COL24A1: variants seen among roughly 807,000 people sequenced by gnomAD.
The protein encoded by COL24A1 is collagen type XXIV alpha 1 chain.
In COL24A1, 224 loss-of-function variants were observed where a neutral mutation model predicts 253.9. That is an observed-to-expected ratio of 0.88 (90% CI 0.79 to 0.99). The LOEUF (loss-of-function observed/expected upper bound fraction) is 0.99, where lower values mean the gene tolerates loss of function less well. COL24A1 is among the 50% of genes least tolerant of loss of function. The probability of loss-of-function intolerance (pLI) is 0.00; values close to 1 mark genes in which losing one functional copy is unlikely to be tolerated. For synonymous variants in COL24A1, 685 were observed against 673.7 expected (o/e 1.02, Z -0.26); for missense variants, 2,131 against 2,068.5 (o/e 1.03, Z -0.59).
intron 45 of COL24A1, among the ~76,000 whole-genome samples, chr1:85,821,945 T>C (rs1673662640): frequency 6.6e-6 from 1 of 152,224 alleles, no homozygotes; most frequent in African/African-American, 2.4e-5. Context: ...TCGGATCAAA[T>C]GTTGGACAGA....
chr1:85,841,994 C>A, intron 41 of COL24A1, 74 bp downstream of exon 41: 7 of 1,289,014 alleles, frequency 5.4e-6, no homozygotes, highest in South Asian at 4.2e-5. Context: ...AAAATTTTTC[C>A]ATGCAGTCTT....
At chr1:85,748,127 G>C (rs901153533) in intron 55 of COL24A1, among the ~76,000 whole-genome samples, 14 of 152,240 alleles carry the variant, frequency 9.2e-5, no homozygotes, top group East Asian at 5.8e-4. Flanking sequence ...ATTTTTGCTT[G>C]AGAGCTTGAA....
chr1:85,997,415 T>C (rs952932120), intron 19 of COL24A1, among the ~76,000 whole-genome samples: 9 of 152,038 alleles, frequency 5.9e-5, no homozygotes, highest in African/African-American at 2.2e-4. Flanking sequence ...CCATCCCAGT[T>C]TCCAGGGGTG....
chr1:85,870,161 C>T (rs368196278), intron 35 of COL24A1, among the ~76,000 whole-genome samples: 47 of 152,234 alleles, frequency 3.1e-4, no homozygotes, highest in African/African-American at 8.9e-4. Context: ...CCTAAATATA[C>T]ATGCACCCAA....
chr1:86,093,576 A>ACAGG (rs1454684928), intron 5 of COL24A1, among the ~76,000 whole-genome samples: 1 of 152,086 alleles, frequency 6.6e-6, no homozygotes, highest in Non-Finnish European at 1.5e-5. Flanking sequence ...GTACATAGGC[A>ACAGG]CAGGCAAAGA....
chr1:85,808,969 T>C (rs953593724), intron 47 of COL24A1, among the ~76,000 whole-genome samples: 3 of 152,226 alleles, frequency 2.0e-5, no homozygotes, highest in Non-Finnish European at 4.4e-5. Context: ...TGTGGAAAAC[T>C]GTCCTTGTGT....
chr1:85,747,632 T>C (rs555458674), intron 55 of COL24A1, among the ~76,000 whole-genome samples: 1 of 152,276 alleles, frequency 6.6e-6, no homozygotes, highest in South Asian at 2.1e-4. Flanking sequence ...ACAGCTAAAT[T>C]CTCATATTTG....
chr1:86,064,389 T>C (rs1701327567), intron 7 of COL24A1, among the ~76,000 whole-genome samples: 1 of 152,030 alleles, frequency 6.6e-6, no homozygotes, highest in Non-Finnish European at 1.5e-5. Flanking sequence ...CCCAAAGCTA[T>C]AAAACAGACA....
chr1:85,999,577 C>T (rs773359089), intron 19 of COL24A1, among the ~76,000 whole-genome samples: 9 of 151,884 alleles, frequency 5.9e-5, no homozygotes, highest in African/African-American at 1.9e-4. Flanking sequence ...GCCGTGATCA[C>T]GCCACTCTAG....
At chr1:85,733,277 A>G (rs925365451) in intron 59 of COL24A1, among the ~76,000 whole-genome samples, 1 of 152,198 alleles carries the variant, frequency 6.6e-6, no homozygotes, top group Non-Finnish European at 1.5e-5. Flanking sequence ...TGATACATAT[A>G]TAAAGTGTAC....
chr1:86,044,896 A>C lies in COL24A1; in HGVS notation c.1950+1929T>G, dbSNP rs1308746926. 2.6e-5 allele frequency among the ~76,000 whole-genome samples: 4 copies of C among 152,356 alleles called. No homozygotes were observed. The East Asian group carries it at 7.7e-4, about 29-fold the overall frequency. ...TAAGTGATATATAACAAGGGTTTTG[A>C]GAAAATACTCAATTTGCTCATCAAT... is the stretch of plus-strand genomic sequence containing the variant. On this transcript the variant is annotated intron_variant, in intron 12 of 59. Transcript: ENST00000370571.
At chr1:85,841,301 A>G (rs1402328572) in intron 41 of COL24A1, 23 bp from the exon 42 acceptor site, 2 of 1,533,322 alleles carry the variant, frequency 1.3e-6, no homozygotes, top group South Asian at 1.2e-5. Flanking sequence ...AATGATTTAT[A>G]AACAAAACTC....
intron 24 of COL24A1, among the ~76,000 whole-genome samples, chr1:85,913,718 A>G (rs1474052967): frequency 6.6e-6 from 1 of 152,168 alleles, no homozygotes; most frequent in Non-Finnish European, 1.5e-5. Flanking sequence ...GAGTGTGAAT[A>G]AAATACAGGA....
chr1:85,959,867 C>T (rs1325834679), intron 24 of COL24A1, among the ~76,000 whole-genome samples: 3 of 152,186 alleles, frequency 2.0e-5, no homozygotes, highest in African/African-American at 7.2e-5. Flanking sequence ...ACTTCGGATG[C>T]CAACTTTATA....
At chr1:85,909,808 T>C in intron 26 of COL24A1, 142 bp downstream of exon 26, 7 of 741,562 alleles carry the variant, frequency 9.4e-6, no homozygotes, top group South Asian at 1.5e-5. Context: ...TTCTGGGAGA[T>C]AAACCATTTA....
intron 1 of COL24A1, 29 bp downstream of exon 1, chr1:86,156,312 C>T (rs372181880): frequency 6.2e-7 from 1 of 1,606,304 alleles, no homozygotes; most frequent in Non-Finnish European, 8.5e-7. Context: ...GGTCTAACCC[C>T]TACCCTACCC....
chr1:86,059,230 A>T (rs41305880), intron 8 of COL24A1, 56 bp from the exon 9 acceptor site: 29,421 of 1,246,154 alleles, frequency 0.024, 411 homozygotes, highest in Non-Finnish European at 0.026. Context: ...CAAATTTGGT[A>T]TATTTACAAT....
intron 19 of COL24A1, among the ~76,000 whole-genome samples, chr1:86,016,276 TAAG>T (rs887530202): frequency 2.6e-5 from 4 of 152,170 alleles, no homozygotes; most frequent in Non-Finnish European, 5.9e-5. Flanking sequence ...AGCTGTGAAG[TAAG>T]AAGTAGATCT....
chr1:86,029,641 G>T (rs1698374270), intron 14 of COL24A1, among the ~76,000 whole-genome samples: 1 of 146,278 alleles, frequency 6.8e-6, no homozygotes, highest in Non-Finnish European at 1.5e-5. Flanking sequence ...AGAGAGATGG[G>T]GTCTTGCTTC....
Sources: allele counts gnomAD v4.1 joint callset (sites outside exome capture counted in the v4.1 genomes callset), GRCh38; gene constraint gnomAD v4.1.1; transcripts MANE v1.5; gene names NCBI Gene and HGNC (gene_info 2026-07-23, HGNC 2026-07-21).